Variants in GON4L observed in about 807,000 individuals in gnomAD.
GON4L encodes the protein GON-4-like protein.
Under a neutral mutation model 211.8 loss-of-function variants are expected in GON4L, and 87 were observed. The ratio of observed to expected loss-of-function variants is 0.41; its 90% confidence interval spans 0.35 to 0.49. GON4L has a LOEUF of 0.49. GON4L is among the 20% of genes least tolerant of loss of function. The pLI, the probability that GON4L is intolerant of heterozygous loss-of-function variation, is 0.15. For missense variants in GON4L, 2,155 were observed against 2,659.5 expected (o/e 0.81, Z 4.17); for synonymous variants, 875 against 962.6 (o/e 0.91, Z 1.68).
intron 10 of GON4L, among the ~76,000 whole-genome samples, chr1:155,808,203 A>AT (rs1462310951): frequency 6.6e-6 from 1 of 151,820 alleles, no homozygotes; most frequent in Non-Finnish European, 1.5e-5. Context: ...CACCCAGGAC[A>AT]TTTTTTGTAT....
intron 10 of GON4L, among the ~76,000 whole-genome samples, chr1:155,805,902 C>G (rs1667081009): frequency 6.6e-6 from 1 of 151,756 alleles, no homozygotes; most frequent in Non-Finnish European, 1.5e-5. Context: ...GTTGGGCACG[C>G]TGGTCTCGAA....
At chr1:155,749,036 C>G (rs1256899541), downstream of GON4L, among the ~76,000 whole-genome samples, 1 of 151,812 alleles carries the variant, frequency 6.6e-6, no homozygotes, top group African/African-American at 2.4e-5. Flanking sequence ...GGCAGATCAC[C>G]TGAGGCCAGG....
chr1:155,775,601 G>A (rs907745673), intron 16 of GON4L, among the ~76,000 whole-genome samples: 1 of 151,702 alleles, frequency 6.6e-6, no homozygotes, highest in Non-Finnish European at 1.5e-5. Flanking sequence ...ATTAATTACA[G>A]GCGCCCGCTA....
chr1:155,803,907 G>A (rs979180671), intron 11 of GON4L, among the ~76,000 whole-genome samples: 1 of 152,204 alleles, frequency 6.6e-6, no homozygotes. Flanking sequence ...AAGTAAAATA[G>A]AGAGGAAAGG....
intron 3 of GON4L, among the ~76,000 whole-genome samples, chr1:155,825,254 T>C (rs1295578192): frequency 6.6e-6 from 1 of 151,984 alleles, no homozygotes; most frequent in Non-Finnish European, 1.5e-5. Context: ...TACAAGTACA[T>C]CCAAGAATAT....
chr1:155,835,020 T>C lies in GON4L; in HGVS notation c.506-7992A>G, dbSNP rs544776837. ...GAACGGGCCATGATGACAATGGCGG[T>C]TTTGTGTAATACAAAGGGGGGAAAG... On this transcript the variant is annotated intron_variant, in intron 2 of 31. Coordinates refer to ENST00000368331, the MANE Select transcript of GON4L (RefSeq NM_001282860.2). Among the ~76,000 whole-genome samples, 262 of 152,200 alleles carry C rather than the reference T, an allele frequency of 1.7e-3. 2 individuals are homozygous for C. Among genetic ancestry groups the C allele is most frequent in the African/African-American group, 6.0e-3 (250 of 41,526 alleles).
chr1:155,819,886 G>A (rs1364939845), intron 6 of GON4L, among the ~76,000 whole-genome samples: 1 of 152,100 alleles, frequency 6.6e-6, no homozygotes, highest in Admixed American at 6.6e-5. Context: ...TCTCAGGTCT[G>A]GGGTGGGCTC....
chr1:155,750,810 CTG>C (rs1660493445), intron 31 of GON4L, 77 bp from the exon 32 acceptor site: 1 of 1,412,786 alleles, frequency 7.1e-7, no homozygotes, highest in Admixed American at 2.0e-5. Flanking sequence ...GTTGCTGAGA[CTG>C]GAGTGCAGTG....
intron 24 of GON4L, among the ~76,000 whole-genome samples, chr1:155,760,083 T>C (rs987906620): frequency 2.0e-5 from 3 of 151,308 alleles, no homozygotes; most frequent in Admixed American, 6.6e-5. Context: ...AATTACTATA[T>C]TCCTAGCAAT....
chr1:155,818,865 G>A (rs11264413), intron 6 of GON4L, among the ~76,000 whole-genome samples: 42,639 of 151,856 alleles, frequency 0.28, 6,654 homozygotes, highest in East Asian at 0.7. Context: ...GCGTGTGGTG[G>A]TGCATGCCTA....
chr1:155,751,774 G>C lies in GON4L; in HGVS notation c.6569C>G (p.Pro2190Arg), dbSNP rs1162784836. 2 of 1,610,822 alleles carry C rather than the reference G, an allele frequency of 1.2e-6. No individual in the cohort carries two copies. The highest frequency in any genetic ancestry group is 1.7e-6 in the Non-Finnish European group (2 of 1,177,510). ...IISQQLGNKT[P>R]AEVSHRFREL... Reference sequence around the variant, plus strand: ...ACCCCAACCCGCACCTACCTCAGCAGGGGTCTTATTTCCCAGCTGCTGGGA... The same window carrying C: ...ACCCCAACCCGCACCTACCTCAGCACGGGTCTTATTTCCCAGCTGCTGGGA... Residue 2190 changes from proline (P) to arginine (R), a missense_variant, in exon 31 of 32, where the codon CCT becomes CGT. Physicochemically the swap from Pro to Arg is moderately radical, Grantham distance 103. Coordinates refer to ENST00000368331, the MANE Select transcript of GON4L (RefSeq NM_001282860.2).
chr1:155,845,571 GT>G, intron 2 of GON4L: 1 of 289,064 alleles, frequency 3.5e-6, no homozygotes, highest in Non-Finnish European at 7.0e-6. Context: ...AAAGATAATT[GT>G]TTTTTAGCCC....
intron 1 of GON4L, among the ~76,000 whole-genome samples, chr1:155,856,333 C>A (rs959858315): frequency 2.6e-5 from 4 of 152,074 alleles, no homozygotes; most frequent in Non-Finnish European, 5.9e-5. Flanking sequence ...GCTCCAGTGA[C>A]CCTCTGGCCT....
intron 2 of GON4L, among the ~76,000 whole-genome samples, chr1:155,851,778 C>T (rs910923040): frequency 2.0e-5 from 3 of 150,968 alleles, no homozygotes; most frequent in Admixed American, 1.3e-4. Flanking sequence ...TCTACTTAGA[C>T]GTTTAAATGA....
At position 155,765,607 on chromosome 1, in the gene GON4L, C is replaced by G; in HGVS notation, c.3866G>C (p.Arg1289Pro). ...CTCCTCTGTTTTCACAACGGTCCAG[C>G]GACAGGCACTATTCTCTGACAATCC... The part of the protein sequence containing the change: ...QEGLSENSAC[R>P]WTVVKTEEGR... The change falls in exon 21 of 32, where the codon CGC becomes CCC. Residue 1289 changes from arginine (R) to proline (P), a missense_variant. This residue lies in a region of GON4L where 615 missense variants were observed against 625.7 expected (regional missense o/e 0.98). Coordinates refer to ENST00000368331, the MANE Select transcript of GON4L (RefSeq NM_001282860.2). 2 of 1,614,178 alleles carry G rather than the reference C, an allele frequency of 1.2e-6. No individual in the cohort carries two copies. The highest frequency in any genetic ancestry group is 1.7e-6 in the Non-Finnish European group (2 of 1,180,042).
intron 19 of GON4L, 101 bp downstream of exon 19, chr1:155,770,966 T>C (rs1663132229): frequency 6.6e-7 from 1 of 1,525,964 alleles, no homozygotes; most frequent in Non-Finnish European, 9.1e-7. Context: ...AGAAATTAGC[T>C]TTAGATAAAA....
At chr1:155,770,264 C>T (rs1296604485) in intron 19 of GON4L, among the ~76,000 whole-genome samples, 1 of 152,106 alleles carries the variant, frequency 6.6e-6, no homozygotes, top group Admixed American at 6.5e-5. Flanking sequence ...GTGGCTCACG[C>T]CTGTAATCCC....
rs150677058 is a variant in GON4L at position 155,828,954 on chromosome 1, G to A, written c.506-1926C>T. On this transcript the variant is annotated intron_variant, in intron 2 of 31. Coordinates refer to ENST00000368331, the MANE Select transcript of GON4L (RefSeq NM_001282860.2). Reference sequence around the variant, plus strand: ...AGGACTTGGGGAGCAAGAGTACAAAGTGAAAGGATGCCTAAATTTTCACTG... The same window carrying A: ...AGGACTTGGGGAGCAAGAGTACAAAATGAAAGGATGCCTAAATTTTCACTG... 2.2e-4 allele frequency among the ~76,000 whole-genome samples: 34 copies of A among 152,170 alleles called. No homozygotes were observed. In the East Asian group the frequency reaches 6.0e-3, roughly 27 times the overall value.
At chr1:155,746,077 AC>A (rs1254121634), downstream of GON4L, 3 of 783,400 alleles carry the variant, frequency 3.8e-6, no homozygotes, top group African/African-American at 6.9e-5. Context: ...CCTGTATCGT[AC>A]GGGCCGGACG....
Sources: gnomAD v4.1 joint callset for allele counts (sites outside exome capture counted in the v4.1 genomes callset) on GRCh38, gnomAD v4.1.1 for gene constraint, gnomAD v4.1.1 regional missense constraint, MANE v1.5 for transcripts, NCBI Gene and HGNC (gene_info 2026-07-23, HGNC 2026-07-21) for gene names.